GPC5: variants seen among roughly 807,000 people sequenced by gnomAD.
The protein encoded by GPC5 is glypican-5.
GPC5 carries 47 observed loss-of-function variants against 53.9 expected under a neutral mutation model. The observed-to-expected ratio is 0.87, with a 90% CI of 0.69 to 1.11. GPC5 has a LOEUF of 1.11. Among genes scored for constraint, GPC5 ranks in the 50% most tolerant of loss-of-function variants. GPC5 has a pLI of 0.00. For synonymous variants in GPC5, 286 were observed against 263.3 expected (o/e 1.09, Z -0.84); for missense variants, 748 against 713.1 (o/e 1.05, Z -0.56).
chr13:92,789,025 G>A (rs758343332), intron 7 of GPC5, among the ~76,000 whole-genome samples: 2 of 152,100 alleles, frequency 1.3e-5, no homozygotes, highest in African/African-American at 2.4e-5. Context: ...GAAAGCCCTC[G>A]TCAGGCCAGC....
chr13:91,798,514 C>T (rs894506039), intron 5 of GPC5, among the ~76,000 whole-genome samples: 2 of 152,182 alleles, frequency 1.3e-5, no homozygotes, highest in Non-Finnish European at 2.9e-5. Flanking sequence ...CTGCAGAGGA[C>T]ATGATCTTGT....
intron 7 of GPC5, among the ~76,000 whole-genome samples, chr13:92,325,995 A>G (rs2043248130): frequency 6.6e-6 from 1 of 152,110 alleles, no homozygotes; most frequent in Non-Finnish European, 1.5e-5. Context: ...GTAGTTCATT[A>G]TATGTTAATG....
chr13:92,043,167 C>T (rs957983951), intron 6 of GPC5, among the ~76,000 whole-genome samples: 10 of 151,722 alleles, frequency 6.6e-5, no homozygotes, highest in African/African-American at 2.4e-4. Context: ...ATGAGCGTTA[C>T]CAAAAGGAGA....
intron 7 of GPC5, among the ~76,000 whole-genome samples, chr13:92,304,759 G>A (rs2043100037): frequency 6.6e-6 from 1 of 152,070 alleles, no homozygotes; most frequent in East Asian, 1.9e-4. Flanking sequence ...TTATAAGTTT[G>A]TATGTAACTT....
intron 6 of GPC5, among the ~76,000 whole-genome samples, chr13:92,020,938 C>G (rs963970864): frequency 1.4e-4 from 21 of 152,072 alleles, no homozygotes; most frequent in African/African-American, 4.8e-4. Context: ...TTTCTCCTAG[C>G]AATTTTACAG....
intron 7 of GPC5, among the ~76,000 whole-genome samples, chr13:92,527,388 G>C (rs1257467846): frequency 6.6e-6 from 1 of 152,008 alleles, no homozygotes; most frequent in Non-Finnish European, 1.5e-5. Context: ...TTTTAGAAGT[G>C]GTATCATAGA....
intron 7 of GPC5, among the ~76,000 whole-genome samples, chr13:92,277,063 C>T (rs1047509317): frequency 6.6e-6 from 1 of 151,812 alleles, no homozygotes; most frequent in Non-Finnish European, 1.5e-5. Flanking sequence ...ACAACATTCA[C>T]ATAGGTTCCA....
chr13:92,597,141 C>T (rs1883908067), intron 7 of GPC5, among the ~76,000 whole-genome samples: 1 of 152,206 alleles, frequency 6.6e-6, no homozygotes, highest in African/African-American at 2.4e-5. Flanking sequence ...CATGCATTGT[C>T]AGGTCTCACT....
At chr13:91,695,387 A>T (rs530176140) in intron 3 of GPC5, among the ~76,000 whole-genome samples, 3 of 151,964 alleles carry the variant, frequency 2.0e-5, no homozygotes, top group African/African-American at 7.2e-5. Context: ...TTATTTATTT[A>T]TTTTTTGACG....
At chr13:92,129,446 C>A (rs749923340) in intron 6 of GPC5, among the ~76,000 whole-genome samples, 28 of 152,142 alleles carry the variant, frequency 1.8e-4, no homozygotes, top group Non-Finnish European at 3.8e-4. Flanking sequence ...TATATAGTGT[C>A]CAGCATGATA....
intron 7 of GPC5, among the ~76,000 whole-genome samples, chr13:92,467,149 T>C (rs1325137047): frequency 1.3e-5 from 2 of 152,118 alleles, no homozygotes; most frequent in Non-Finnish European, 2.9e-5. Context: ...AAGAAACTCT[T>C]AGAAGTTGTT....
intron 2 of GPC5, among the ~76,000 whole-genome samples, chr13:91,552,361 T>C (rs2030690642): frequency 6.6e-6 from 1 of 152,000 alleles, no homozygotes; most frequent in African/African-American, 2.4e-5. Flanking sequence ...TGTAAGGAAT[T>C]GCCGAGACCA....
intron 6 of GPC5, among the ~76,000 whole-genome samples, chr13:91,938,841 T>A (rs2039897687): frequency 6.6e-6 from 1 of 152,120 alleles, no homozygotes; most frequent in African/African-American, 2.4e-5. Flanking sequence ...AAAAGACAGA[T>A]GCTTTAAAAT....
chr13:92,036,325 A>C (rs146155947), intron 6 of GPC5, among the ~76,000 whole-genome samples: 1 of 152,216 alleles, frequency 6.6e-6, no homozygotes, highest in Non-Finnish European at 1.5e-5. Flanking sequence ...ATATCATTTT[A>C]TGGGATAGTG....
chr13:92,656,130 T>A (rs1886128936), intron 7 of GPC5, among the ~76,000 whole-genome samples: 1 of 152,056 alleles, frequency 6.6e-6, no homozygotes, highest in African/African-American at 2.4e-5. Flanking sequence ...ATTGAGGAGT[T>A]TGAAATTGGG....
chr13:92,120,756 G>T (rs2041642569), intron 6 of GPC5, among the ~76,000 whole-genome samples: 1 of 152,040 alleles, frequency 6.6e-6, no homozygotes, highest in African/African-American at 2.4e-5. Flanking sequence ...AATTTCATTT[G>T]GAAAATTGAG....
At chr13:92,511,258 C>A (rs1193668143) in intron 7 of GPC5, among the ~76,000 whole-genome samples, 1 of 152,146 alleles carries the variant, frequency 6.6e-6, no homozygotes, top group Admixed American at 6.5e-5. Flanking sequence ...TCTCCCATAG[C>A]TGTATTGGCT....
chr13:91,778,218 A>G (rs1782529249), intron 5 of GPC5, among the ~76,000 whole-genome samples: 1 of 152,290 alleles, frequency 6.6e-6, no homozygotes, highest in African/African-American at 2.4e-5. Flanking sequence ...TCTTTTCAAC[A>G]TCATGCAGGA....
At chr13:91,825,558 C>G (rs2038563854) in intron 5 of GPC5, among the ~76,000 whole-genome samples, 1 of 152,002 alleles carries the variant, frequency 6.6e-6, no homozygotes, top group Non-Finnish European at 1.5e-5. Context: ...ATTATAAACC[C>G]TGGGGAAAAT....
Sources: gnomAD v4.1 joint callset for allele counts (sites outside exome capture counted in the v4.1 genomes callset) on GRCh38, gnomAD v4.1.1 for gene constraint, MANE v1.5 for transcripts, NCBI Gene and HGNC (gene_info 2026-07-23, HGNC 2026-07-21) for gene names.